TJP1: variants seen among roughly 807,000 people sequenced by gnomAD.
The protein encoded by TJP1 is tight junction protein 1.
Under a neutral mutation model 194.2 loss-of-function variants are expected in TJP1, and 43 were observed. The observed-to-expected ratio is 0.22, with a 90% confidence interval of 0.17 to 0.29. The LOEUF is 0.29. Among genes scored for constraint, TJP1 ranks in the 10% least tolerant of loss-of-function variants. The pLI is 1.00. For missense variants in TJP1, 1,971 were observed against 2,185.7 expected (o/e 0.90, Z 1.96); for synonymous variants, 801 against 779.0 (o/e 1.03, Z -0.47).
intron 2 of TJP1, among the ~76,000 whole-genome samples, chr15:29,926,337 C>T (rs1347613347): frequency 6.6e-6 from 1 of 152,104 alleles, no homozygotes; most frequent in Non-Finnish European, 1.5e-5. Context: ...AAGAGCTAGG[C>T]GCAGAAGCTC....
At chr15:29,774,520 T>C (rs945310303) in intron 2 of TJP1, among the ~76,000 whole-genome samples, 1 of 152,152 alleles carries the variant, frequency 6.6e-6, no homozygotes, top group Non-Finnish European at 1.5e-5. Flanking sequence ...TAATAGATTC[T>C]ATTATTCCGT....
intron 11 of TJP1, 59 bp from the exon 12 acceptor site, chr15:29,734,441 C>T (rs1381968446): frequency 1.0e-5 from 13 of 1,252,872 alleles, no homozygotes; most frequent in South Asian, 6.4e-5. Context: ...AAATAACATA[C>T]GCAGGACACA....
intron 4 of TJP1, 83 bp from the exon 5 acceptor site, chr15:29,766,625 T>TG: frequency 7.5e-7 from 1 of 1,327,922 alleles, no homozygotes; most frequent in South Asian, 1.7e-5. Context: ...AATATTACAC[T>TG]TCTCATCCCA....
Position 29,956,424 on chromosome 15 carries a change from T to G in TJP1, c.174-60A>C. ...TTTACAGGTGAACACATTTCTCAAG[T>G]TTGAGGTAAGCATTTACTCAAAGGC... On this transcript the variant is annotated intron_variant, in intron 1 of 28. Transcript: ENST00000356107. 2.4e-6 allele frequency: 3 copies of G among 1,244,332 alleles called. No homozygotes were observed. The South Asian group carries it at 4.1e-5, about 17-fold the overall frequency. The allele number at this position is 1,244,332 out of a possible 1,614,324, so 77.1% of individuals were successfully genotyped here.
chr15:29,839,021 C>T (rs1446865016), intron 2 of TJP1, among the ~76,000 whole-genome samples: 16 of 86,626 alleles, frequency 1.8e-4, no homozygotes, highest in African/African-American at 5.8e-4. Context: ...TTTTTTGAGA[C>T]GGAGTCTGGC....
At chr15:29,851,929 G>C (rs1314068841) in intron 2 of TJP1, among the ~76,000 whole-genome samples, 1 of 151,076 alleles carries the variant, frequency 6.6e-6, no homozygotes, top group Non-Finnish European at 1.5e-5. Flanking sequence ...ACAATCACAG[G>C]CAAAAAAAAA....
At chr15:29,820,655 CGGAAACAAAGCCTTTCCTCCTA>C (rs2050270999) in intron 1 of TJP1, 2 of 690,440 alleles carry the variant, frequency 2.9e-6, no homozygotes, top group African/African-American at 1.8e-5. Flanking sequence ...CTGTGTAATA[CGGAAACAAAGCCTTTCCTCCTA>C]GGAAAGAAAG....
intron 2 of TJP1, among the ~76,000 whole-genome samples, chr15:29,777,798 G>A (rs1414457423): frequency 2.0e-5 from 3 of 152,072 alleles, no homozygotes; most frequent in Non-Finnish European, 4.4e-5. Context: ...AGTAACAAAC[G>A]CACAAGGTTA....
At position 29,949,649 on chromosome 15, in the gene TJP1, A is replaced by T. The variant is rs1421864688; in HGVS notation, c.306+6583T>A. 3.7e-4 allele frequency among the ~76,000 whole-genome samples: 36 copies of T among 98,028 alleles called. No homozygotes were observed. In the South Asian group the frequency reaches 4.7e-3, roughly 13 times the overall value. The allele number at this position is 98,028 out of a possible 152,430, so 64.3% of individuals were successfully genotyped here. ...CTCCACCTCCACCACCTCCACCACC[A>T]CCACCTCCACCTCCACAACCACCAC... On this transcript the variant is annotated intron_variant, in intron 2 of 28. Transcript: ENST00000356107.
chr15:29,904,281 C>G (rs910696434), intron 2 of TJP1, among the ~76,000 whole-genome samples: 1 of 152,066 alleles, frequency 6.6e-6, no homozygotes, highest in South Asian at 2.1e-4. Flanking sequence ...CAGGTGGATA[C>G]AGAGAAACCA....
chr15:29,725,316 C>A (rs1199754445), intron 18 of TJP1, among the ~76,000 whole-genome samples: 2 of 152,158 alleles, frequency 1.3e-5, no homozygotes, highest in African/African-American at 4.8e-5. Context: ...TAGACACTGC[C>A]TCTCAGTGTT....
intron 2 of TJP1, among the ~76,000 whole-genome samples, chr15:29,828,345 G>T (rs976339454): frequency 3.4e-4 from 51 of 151,960 alleles, no homozygotes; most frequent in African/African-American, 1.2e-3. Context: ...TAATATGGGT[G>T]CATTATAGTT....
At chr15:29,775,488 G>A (rs538785377) in intron 2 of TJP1, among the ~76,000 whole-genome samples, 1 of 152,198 alleles carries the variant, frequency 6.6e-6, no homozygotes, top group African/African-American at 2.4e-5. Context: ...ATTTAAGATG[G>A]AAAAGGCATT....
intron 2 of TJP1, among the ~76,000 whole-genome samples, chr15:29,919,040 CG>C (rs1356408139): frequency 9.9e-5 from 15 of 152,114 alleles, no homozygotes; most frequent in African/African-American, 3.6e-4. Flanking sequence ...GTCACCATGC[CG>C]GGAATAAAGA....
chr15:29,768,969 C>T (rs1310585058), intron 4 of TJP1, among the ~76,000 whole-genome samples: 1 of 152,092 alleles, frequency 6.6e-6, no homozygotes, highest in Non-Finnish European at 1.5e-5. Flanking sequence ...CTTTTGGAAG[C>T]ATGACACCAA....
At chr15:29,910,403 C>T (rs556817496) in intron 2 of TJP1, among the ~76,000 whole-genome samples, 5 of 152,354 alleles carry the variant, frequency 3.3e-5, no homozygotes, top group Admixed American at 3.3e-4. Flanking sequence ...TAGCCTATCG[C>T]TAGGAAGTCC....
chr15:29,871,660 G>A (rs1284358099), intron 2 of TJP1, among the ~76,000 whole-genome samples: 1 of 152,246 alleles, frequency 6.6e-6, no homozygotes, highest in Non-Finnish European at 1.5e-5. Context: ...ACGTGAAAAA[G>A]CCGTCTTGGG....
intron 1 of TJP1, among the ~76,000 whole-genome samples, chr15:29,816,583 A>C (rs1459177026): frequency 1.3e-5 from 2 of 152,214 alleles, no homozygotes; most frequent in Non-Finnish European, 2.9e-5. Flanking sequence ...GACTTCTCAC[A>C]AACTACAGTG....
At chr15:29,782,704 TTAAAC>T (rs1396620592) in intron 2 of TJP1, among the ~76,000 whole-genome samples, 1 of 151,906 alleles carries the variant, frequency 6.6e-6, no homozygotes, top group African/African-American at 2.4e-5. Flanking sequence ...TGGAATCTAA[TTAAAC>T]TAAAGAGCTT....
Sources: gnomAD v4.1 joint callset for allele counts (sites outside exome capture counted in the v4.1 genomes callset) on GRCh38, gnomAD v4.1.1 for gene constraint, MANE v1.5 for transcripts, NCBI Gene and HGNC (gene_info 2026-07-23, HGNC 2026-07-21) for gene names.